TMEM135: variants seen among roughly 807,000 people sequenced by gnomAD.
TMEM135 encodes peroxisomal membrane protein 52.
Under a neutral mutation model 60.3 loss-of-function variants are expected in TMEM135, and 30 were observed. The observed-to-expected ratio is 0.50, with a 90% CI of 0.37 to 0.68. TMEM135 has a LOEUF of 0.68. Ranked by LOEUF, TMEM135 falls within the 30% of genes least tolerant of loss-of-function variation. The pLI, the probability that TMEM135 is intolerant of heterozygous loss-of-function variation, is 0.00. For missense variants in TMEM135, 468 were observed against 548.8 expected (o/e 0.85, Z 1.47); for synonymous variants, 190 against 186.7 (o/e 1.02, Z -0.14).
At chr11:87,294,692 C>T (rs1425903027) in intron 6 of TMEM135, among the ~76,000 whole-genome samples, 1 of 152,164 alleles carries the variant, frequency 6.6e-6, no homozygotes, top group Non-Finnish European at 1.5e-5. Flanking sequence ...CTAGGCCTTA[C>T]TCTTTATCTA....
At position 87,207,425 on chromosome 11, in the gene TMEM135, A is replaced by G. The variant is rs973846307; in HGVS notation, c.463-29213A>G. Among the ~76,000 whole-genome samples the G allele has an allele frequency of 3.3e-5, 5 of 152,232 alleles. No individual in the cohort carries two copies. In the South Asian group the frequency reaches 8.3e-4, roughly 25 times the overall value. ...GAAATCATTTTAGTAGAGTTTTCAG[A>G]TGTCCCTTAGATCTCCTTTTGGGAT... On this transcript the variant is annotated intron_variant, in intron 5 of 14. Transcript: ENST00000305494.
intron 6 of TMEM135, among the ~76,000 whole-genome samples, chr11:87,281,547 G>C (rs1443177447): frequency 6.6e-6 from 1 of 152,142 alleles, no homozygotes; most frequent in Non-Finnish European, 1.5e-5. Context: ...TGAAGAAAAA[G>C]AAATTGTGCT....
chr11:87,138,798 T>G (rs1938184621), intron 4 of TMEM135, among the ~76,000 whole-genome samples: 1 of 152,228 alleles, frequency 6.6e-6, no homozygotes, highest in African/African-American at 2.4e-5. Flanking sequence ...AAGGTGAGAT[T>G]GGCAATGCTT....
chr11:87,042,230 A>G (rs529640768), intron 1 of TMEM135, among the ~76,000 whole-genome samples: 8 of 152,356 alleles, frequency 5.3e-5, no homozygotes, highest in African/African-American at 1.4e-4. Flanking sequence ...TTGGGGAAGC[A>G]AGGTCTGTCT....
intron 4 of TMEM135, among the ~76,000 whole-genome samples, chr11:87,123,601 C>G (rs958287928): frequency 2.0e-5 from 3 of 152,088 alleles, no homozygotes; most frequent in Non-Finnish European, 4.4e-5. Flanking sequence ...AATATTCAAC[C>G]CACTACACTA....
At chr11:87,214,531 A>T (rs1455096148) in intron 5 of TMEM135, among the ~76,000 whole-genome samples, 3 of 151,680 alleles carry the variant, frequency 2.0e-5, no homozygotes, top group African/African-American at 7.3e-5. Context: ...TTTAAGGAAA[A>T]CACCTTACCT....
At chr11:87,252,494 C>A (rs895970319) in intron 6 of TMEM135, among the ~76,000 whole-genome samples, 1 of 152,006 alleles carries the variant, frequency 6.6e-6, no homozygotes, top group Admixed American at 6.6e-5. Flanking sequence ...GACATGGAGC[C>A]GGGCACAGTG....
intron 1 of TMEM135, among the ~76,000 whole-genome samples, chr11:87,066,717 G>A (rs1185164959): frequency 3.3e-5 from 5 of 151,414 alleles, no homozygotes; most frequent in Admixed American, 3.3e-4. Flanking sequence ...TTTTGTATTG[G>A]GACTTATTCG....
At chr11:87,315,928 A>G (rs1170879766) in intron 12 of TMEM135, among the ~76,000 whole-genome samples, 1 of 152,022 alleles carries the variant, frequency 6.6e-6, no homozygotes, top group Non-Finnish European at 1.5e-5. Flanking sequence ...TTGTTGTAAC[A>G]TAACACCATT....
At chr11:87,134,509 G>GTCTT (rs1938036673) in intron 4 of TMEM135, among the ~76,000 whole-genome samples, 1 of 152,160 alleles carries the variant, frequency 6.6e-6, no homozygotes, top group African/African-American at 2.4e-5. Flanking sequence ...TAGAGACAGG[G>GTCTT]TCTTGCTCTA....
chr11:87,115,558 A>C (rs939376590), intron 4 of TMEM135, among the ~76,000 whole-genome samples: 1 of 152,166 alleles, frequency 6.6e-6, no homozygotes, highest in Non-Finnish European at 1.5e-5. Flanking sequence ...CCTTTGAGGT[A>C]TATAAATTGT....
intron 3 of TMEM135, among the ~76,000 whole-genome samples, chr11:87,084,354 C>G (rs1857052951): frequency 6.6e-6 from 1 of 150,756 alleles, no homozygotes; most frequent in Non-Finnish European, 1.5e-5. Context: ...GTCATCTAGG[C>G]TAGAGTACAG....
chr11:87,129,139 G>A (rs1474455655), intron 4 of TMEM135, among the ~76,000 whole-genome samples: 4 of 147,006 alleles, frequency 2.7e-5, no homozygotes, highest in Non-Finnish European at 1.5e-5. Flanking sequence ...GCATAGGTTT[G>A]TAGTTGAAAG....
At chr11:87,064,788 G>A (rs1180198261) in intron 1 of TMEM135, among the ~76,000 whole-genome samples, 3 of 152,154 alleles carry the variant, frequency 2.0e-5, no homozygotes, top group Admixed American at 6.5e-5. Flanking sequence ...GGAGATTGAG[G>A]CAGGGAGAAT....
At chr11:87,122,309 GTTTTT>G (rs11367827) in intron 4 of TMEM135, among the ~76,000 whole-genome samples, 1 of 110,360 alleles carries the variant, frequency 9.1e-6, no homozygotes, top group African/African-American at 3.3e-5. Flanking sequence ...GTTTTGCTAG[GTTTTT>G]TTTTTTTTTT....
At chr11:87,223,720 T>C (rs1005987923) in intron 5 of TMEM135, among the ~76,000 whole-genome samples, 1 of 150,040 alleles carries the variant, frequency 6.7e-6, no homozygotes, top group Non-Finnish European at 1.5e-5. Flanking sequence ...TGTGGTTGTG[T>C]ATGCCTGTGA....
chr11:87,194,262 T>A (rs1472455474), intron 5 of TMEM135, among the ~76,000 whole-genome samples: 1 of 152,176 alleles, frequency 6.6e-6, no homozygotes, highest in African/African-American at 2.4e-5. Context: ...TTGCACGTAT[T>A]CTTAAAATCA....
chr11:87,292,174 A>G (rs975345868), intron 6 of TMEM135, among the ~76,000 whole-genome samples: 2 of 152,080 alleles, frequency 1.3e-5, no homozygotes. Flanking sequence ...TCTTAACCAT[A>G]CTGTGTAAAG....
chr11:87,089,203 G>A lies in TMEM135; in HGVS notation c.363-2159G>A, dbSNP rs996883098. Among the ~76,000 whole-genome samples, 13 of 152,234 alleles carry A rather than the reference G, an allele frequency of 8.5e-5. No individual in the cohort carries two copies. The South Asian group carries it at 1.0e-3, about 12-fold the overall frequency. On this transcript the variant is annotated intron_variant, in intron 3 of 14. Transcript: ENST00000305494. The stretch of plus-strand genomic sequence containing the variant: ...AAACACTTCTAGTCTCAGGCATTTT[G>A]GATAAGGGATACTCAGCTTTAGCTC...
Sources: allele counts gnomAD v4.1 joint callset (sites outside exome capture counted in the v4.1 genomes callset), GRCh38; gene constraint gnomAD v4.1.1; transcripts MANE v1.5; gene names NCBI Gene and HGNC (gene_info 2026-07-23, HGNC 2026-07-21).